Variants in LRMDA observed in about 807,000 individuals in gnomAD.
LRMDA encodes the protein leucine rich melanocyte differentiation associated, also known as leucine-rich melanocyte differentiation-associated protein.
LRMDA carries 18 observed loss-of-function variants against 29.8 expected under a neutral mutation model. That is an observed-to-expected ratio of 0.60 (90% CI 0.42 to 0.90). The LOEUF is 0.90. LRMDA is among the 40% of genes least tolerant of loss of function. The pLI, the probability that LRMDA is intolerant of heterozygous loss-of-function variation, is 0.00. For missense variants in LRMDA, 273 were observed against 273.9 expected (o/e 1.00, Z 0.02); for synonymous variants, 125 against 109.4 (o/e 1.14, Z -0.89).
chr10:75,588,110 C>T (rs1840678390), intron 2 of LRMDA, among the ~76,000 whole-genome samples: 1 of 152,180 alleles, frequency 6.6e-6, no homozygotes, highest in African/African-American at 2.4e-5. Context: ...AAGGGGGCAC[C>T]ATGCTTCACC....
intron 5 of LRMDA, among the ~76,000 whole-genome samples, chr10:76,160,630 T>A (rs1850628740): frequency 6.6e-6 from 1 of 151,474 alleles, no homozygotes; most frequent in Non-Finnish European, 1.5e-5. Context: ...ATACTTACAA[T>A]TTTTTTGAAA....
At chr10:75,829,692 A>T (rs1844306081) in intron 2 of LRMDA, among the ~76,000 whole-genome samples, 1 of 152,094 alleles carries the variant, frequency 6.6e-6, no homozygotes, top group Non-Finnish European at 1.5e-5. Flanking sequence ...AATTAAGTCT[A>T]TCTATACTTC....
chr10:76,190,745 AC>A (rs1212136463), intron 5 of LRMDA, among the ~76,000 whole-genome samples: 1 of 152,200 alleles, frequency 6.6e-6, no homozygotes, highest in Admixed American at 6.5e-5. Flanking sequence ...GGTATTTTGC[AC>A]CATGACAACA....
At chr10:76,134,998 A>G (rs553634780) in intron 5 of LRMDA, among the ~76,000 whole-genome samples, 3 of 152,360 alleles carry the variant, frequency 2.0e-5, no homozygotes, top group Admixed American at 2.0e-4. Flanking sequence ...ATTTAAAAAC[A>G]GTATTTTGAA....
chr10:76,073,986 C>T (rs1306973222), intron 5 of LRMDA, among the ~76,000 whole-genome samples: 1 of 152,174 alleles, frequency 6.6e-6, no homozygotes, highest in Non-Finnish European at 1.5e-5. Context: ...CAAATCTTTG[C>T]ATAATACCAA....
At chr10:76,411,370 A>C (rs1841959517) in intron 6 of LRMDA, among the ~76,000 whole-genome samples, 1 of 152,060 alleles carries the variant, frequency 6.6e-6, no homozygotes, top group Non-Finnish European at 1.5e-5. Flanking sequence ...CTCAACTTCC[A>C]CTCTAAGCCT....
intron 2 of LRMDA, among the ~76,000 whole-genome samples, chr10:75,801,848 G>T (rs1194986058): frequency 6.6e-6 from 1 of 152,208 alleles, no homozygotes; most frequent in Non-Finnish European, 1.5e-5. Context: ...AGACCAGTTA[G>T]GAGGCAGTTA....
chr10:75,915,989 C>G (rs1335923103), intron 2 of LRMDA, among the ~76,000 whole-genome samples: 1 of 152,078 alleles, frequency 6.6e-6, no homozygotes, highest in Non-Finnish European at 1.5e-5. Context: ...ACAGATTGGG[C>G]TTTTATAGGT....
chr10:76,089,677 T>G (rs1417924433), intron 5 of LRMDA, among the ~76,000 whole-genome samples: 2 of 152,110 alleles, frequency 1.3e-5, no homozygotes, highest in Non-Finnish European at 2.9e-5. Context: ...TGGGCACGAG[T>G]GCACCACTCT....
At chr10:75,983,511 C>T (rs538083204) in intron 2 of LRMDA, among the ~76,000 whole-genome samples, 85 of 152,248 alleles carry the variant, frequency 5.6e-4, no homozygotes, top group African/African-American at 2.0e-3. Context: ...CACATGCATA[C>T]GTAATATCCC....
intron 6 of LRMDA, among the ~76,000 whole-genome samples, chr10:76,363,221 A>AGGGAGGGAG (rs1564520773): frequency 8.5e-5 from 3 of 35,090 alleles, no homozygotes; most frequent in Non-Finnish European, 1.8e-4. Flanking sequence ...AAGGAAGAGA[A>AGGGAGGGAG]AGAAAGAAAG....
chr10:76,203,744 C>A (rs745987923), intron 5 of LRMDA, among the ~76,000 whole-genome samples: 62 of 151,136 alleles, frequency 4.1e-4, no homozygotes, highest in Non-Finnish European at 7.7e-4. Context: ...GCCTGTCCAC[C>A]CATCTCTATT....
chr10:75,812,498 T>C (rs1234838705), intron 2 of LRMDA, among the ~76,000 whole-genome samples: 2 of 152,192 alleles, frequency 1.3e-5, no homozygotes, highest in Non-Finnish European at 2.9e-5. Context: ...TACCACCACC[T>C]TCCAAACCGC....
At chr10:75,579,611 A>G (rs1016702807) in intron 2 of LRMDA, among the ~76,000 whole-genome samples, 4 of 152,230 alleles carry the variant, frequency 2.6e-5, no homozygotes, top group Non-Finnish European at 5.9e-5. Context: ...TGGCAGAGAC[A>G]CAACAAAAAA....
chr10:76,265,195 C>T (rs760819993), intron 5 of LRMDA, among the ~76,000 whole-genome samples: 3 of 152,304 alleles, frequency 2.0e-5, no homozygotes, highest in East Asian at 3.9e-4. Context: ...TTATGTCTTT[C>T]CTCCTCCTTT....
chr10:76,249,618 T>C (rs1052785183), intron 5 of LRMDA, among the ~76,000 whole-genome samples: 1 of 152,234 alleles, frequency 6.6e-6, no homozygotes, highest in Non-Finnish European at 1.5e-5. Flanking sequence ...ATTCACCTTC[T>C]GACAAGTTTT....
At chr10:76,307,651 G>A (rs1255740610) in intron 5 of LRMDA, among the ~76,000 whole-genome samples, 1 of 152,152 alleles carries the variant, frequency 6.6e-6, no homozygotes, top group Non-Finnish European at 1.5e-5. Context: ...TTCCAGGATA[G>A]GCACATAACC....
At chr10:75,829,486 G>A (rs1844302923) in intron 2 of LRMDA, among the ~76,000 whole-genome samples, 1 of 152,038 alleles carries the variant, frequency 6.6e-6, no homozygotes, top group African/African-American at 2.4e-5. Flanking sequence ...AAAAATTCTA[G>A]GATGTTAAAA....
chr10:76,118,840 CTTTTTTTT>C (rs962279433), intron 5 of LRMDA, among the ~76,000 whole-genome samples: 2,202 of 46,210 alleles, frequency 0.048, 88 homozygotes, highest in African/African-American at 0.16. Context: ...TGCAAATACA[CTTTTTTTT>C]TTTTTTTTTT....
Sources: allele counts gnomAD v4.1 joint callset (sites outside exome capture counted in the v4.1 genomes callset), GRCh38; gene constraint gnomAD v4.1.1; transcripts MANE v1.5; gene names NCBI Gene and HGNC (gene_info 2026-07-23, HGNC 2026-07-21).